Variants in FBN1 observed in about 807,000 individuals in gnomAD.
FBN1 encodes fibrillin 1, also known as fibrillin-1.
Under a neutral mutation model 365.1 loss-of-function variants are expected in FBN1, and 29 were observed. That is an observed-to-expected ratio of 0.08 (90% CI 0.06 to 0.11). The LOEUF is 0.11. FBN1 is among the 10% of genes least tolerant of loss of function. The pLI is 1.00. For synonymous variants in FBN1, 1,210 were observed against 1,270.5 expected (o/e 0.95, Z 1.01); for missense variants, 2,476 against 3,703.2 (o/e 0.67, Z 8.60).
intron 2 of FBN1, among the ~76,000 whole-genome samples, chr15:48,636,748 T>C (rs923730609): frequency 2.0e-5 from 3 of 152,190 alleles, no homozygotes; most frequent in Admixed American, 1.3e-4. Flanking sequence ...CAGATGCATA[T>C]GTGAAGAAGT....
At chr15:48,642,304 G>C (rs1890211579) in intron 2 of FBN1, 1 of 152,162 alleles carries the variant, frequency 6.6e-6, no homozygotes, top group Non-Finnish European at 1.5e-5. Context: ...GCTTGAGCCG[G>C]GAAGGTGGAG....
At chr15:48,568,137 C>T (rs1049933641) in intron 6 of FBN1, among the ~76,000 whole-genome samples, 1 of 129,650 alleles carries the variant, frequency 7.7e-6, no homozygotes, top group Non-Finnish European at 1.7e-5. Flanking sequence ...CCTAAGGAAT[C>T]TACCAAAAAA....
At chr15:48,445,556 C>A in intron 47 of FBN1, 52 bp from the exon 48 acceptor site, 1 of 1,590,274 alleles carries the variant, frequency 6.3e-7, no homozygotes, top group Non-Finnish European at 8.6e-7. Flanking sequence ...ATGTCATAAT[C>A]CCAGCAATAA....
rs189980672 is a variant in FBN1 at position 48,616,972 on chromosome 15, G to C, written c.165-3880C>G. On this transcript the variant is annotated intron_variant, in intron 2 of 65. Coordinates refer to ENST00000316623, the MANE Select transcript of FBN1 (RefSeq NM_000138.5). ...GGCCAAGGTCACATAGCTTAGACGT[G>C]TCTAATGGAGATTTGAACTCAAGAA... Among the ~76,000 whole-genome samples the C allele has an allele frequency of 1.8e-3, 281 of 152,144 alleles. 1 individual carries two copies. Among genetic ancestry groups the C allele is most frequent in the African/African-American group, 6.6e-3 (272 of 41,494 alleles).
intron 25 of FBN1, among the ~76,000 whole-genome samples, chr15:48,488,766 T>C (rs1474244477): frequency 6.6e-6 from 1 of 152,204 alleles, no homozygotes; most frequent in African/African-American, 2.4e-5. Context: ...TGACACATAG[T>C]GAATATTTAA....
In FBN1 at chr15:48,610,446, A is replaced by C. The variant is rs528242418; in HGVS notation, c.346+282T>G. Among the ~76,000 whole-genome samples, 6 of 152,332 alleles carry C rather than the reference A, an allele frequency of 3.9e-5. No homozygotes were observed. The South Asian group carries it at 1.2e-3, about 32-fold the overall frequency. On this transcript the variant is annotated intron_variant, in intron 4 of 65. Transcript: ENST00000316623. ...GCACCTTTTATGGTGTTTACACTGGAGATACAAAGATGAATAAGGCGATAC... is the reference window on the plus strand; with the variant it reads ...GCACCTTTTATGGTGTTTACACTGGCGATACAAAGATGAATAAGGCGATAC...
rs184934484 is a variant in FBN1 at position 48,595,841 on chromosome 15, C to T, written c.538+442G>A. ...AGTGTTGAATGCTGAGCTTGTACAC[C>T]TCTACAGCCCCCAACAGGTCCAACA... On this transcript the variant is annotated intron_variant, in intron 6 of 65. Transcript: ENST00000316623. Among the ~76,000 whole-genome samples the T allele has an allele frequency of 3.3e-4, 51 of 152,286 alleles. 1 individual carries two copies. In the East Asian group the frequency reaches 6.2e-3, roughly 18 times the overall value.
intron 6 of FBN1, among the ~76,000 whole-genome samples, chr15:48,566,124 C>T (rs1374107971): frequency 6.6e-6 from 1 of 152,182 alleles, no homozygotes; most frequent in African/African-American, 2.4e-5. Context: ...TTGCTGTAAT[C>T]ATCTGTAGTA....
intron 32 of FBN1, among the ~76,000 whole-genome samples, chr15:48,479,710 C>T (rs1360939477): frequency 2.0e-5 from 3 of 152,212 alleles, no homozygotes; most frequent in African/African-American, 7.2e-5. Context: ...GGTGTCACTT[C>T]ATGCAACTGT....
Position 48,644,867 on chromosome 15 carries a change from C to A in FBN1, c.-98G>T, listed in dbSNP as rs886051254. 8 of 1,180,138 alleles carry A rather than the reference C, an allele frequency of 6.8e-6. No individual in the cohort carries two copies. The Admixed American group carries it at 2.6e-4, about 39-fold the overall frequency. The allele number at this position is 1,180,138 out of a possible 1,614,324, so 73.1% of individuals were successfully genotyped here. A position where few individuals can be genotyped will look rare whatever the true frequency, so the allele number is the denominator to read the frequency against. ...CTGAAGCGCACCGCGCCGCCGGGGT[C>A]CCGCTATCCCGCCGCCCGTCCCCCG... On this transcript the variant is annotated 5_prime_UTR_variant, in exon 2 of 66. Coordinates refer to ENST00000316623, the MANE Select transcript of FBN1 (RefSeq NM_000138.5).
chr15:48,472,683 C>A lies in FBN1; in HGVS notation c.4211-7G>T. 6.2e-7 allele frequency: 1 copy of A among 1,614,100 alleles called. No individual in the cohort carries two copies. Among genetic ancestry groups the A allele is most frequent in the African/African-American group, 1.3e-5 (1 of 75,024 alleles). On this transcript the variant is annotated splice_polypyrimidine_tract_variant and splice_region_variant and intron_variant, in intron 34 of 65. Coordinates refer to ENST00000316623, the MANE Select transcript of FBN1 (RefSeq NM_000138.5). ...TCAGAGCACTCATCAAGGTCTACAGCCAGAAAGAAACACACGTTACTCTTC... is the reference window on the plus strand; with the variant it reads ...TCAGAGCACTCATCAAGGTCTACAGACAGAAAGAAACACACGTTACTCTTC...
rs142163413 is a variant in FBN1 at position 48,458,240 on chromosome 15, G to C, written c.5297-1478C>G. The stretch of plus-strand genomic sequence containing the variant: ...ACGGACTGAAGTGGAGCCTACAAGA[G>C]CTGCTGCAATTTTAGAAGAACCACA... On this transcript the variant is annotated intron_variant, in intron 43 of 65. Transcript: ENST00000316623. Among the ~76,000 whole-genome samples the C allele has an allele frequency of 4.1e-3, 625 of 152,302 alleles. 14 individuals are homozygous for C. Among genetic ancestry groups the C allele is most frequent in the Admixed American group, 0.033 (502 of 15,294 alleles).
chr15:48,441,719 A>T lies in FBN1; in HGVS notation c.6163+2T>A. 1 of 1,613,586 alleles carries T rather than the reference A, an allele frequency of 6.2e-7. No homozygotes were observed. The highest frequency in any genetic ancestry group is 8.5e-7 in the Non-Finnish European group (1 of 1,179,584). ...AAGCCCAAAGCCTTCAAAGACACTTACCTTGGCACCTTCTTCCACTGGAGG... is the reference window on the plus strand; with the variant it reads ...AAGCCCAAAGCCTTCAAAGACACTTTCCTTGGCACCTTCTTCCACTGGAGG... On this transcript the variant is annotated splice_donor_variant, in intron 50 of 65. Transcript: ENST00000316623. LOFTEE classifies it high-confidence loss of function.
Position 48,604,936 on chromosome 15 carries a change from T to C in FBN1, c.347-4702A>G, listed in dbSNP as rs563065345. Among the ~76,000 whole-genome samples the C allele has an allele frequency of 4.7e-4, 72 of 152,186 alleles. 1 individual carries two copies. Among genetic ancestry groups the C allele is most frequent in the South Asian group, 1.2e-3 (6 of 4,824 alleles). ...TTGGGAGTACAAATGCCCCAAACTCTTGCTCCCAGCTGATTAAAGCCCCTT... is the reference window on the plus strand; with the variant it reads ...TTGGGAGTACAAATGCCCCAAACTCCTGCTCCCAGCTGATTAAAGCCCCTT... On this transcript the variant is annotated intron_variant, in intron 4 of 65. Transcript: ENST00000316623.
At chr15:48,607,000 T>G (rs2044617844) in intron 4 of FBN1, among the ~76,000 whole-genome samples, 1 of 152,202 alleles carries the variant, frequency 6.6e-6, no homozygotes, top group Non-Finnish European at 1.5e-5. Flanking sequence ...CACCATGGGA[T>G]GGCCCTCTAT....
Position 48,634,008 on chromosome 15 carries a change from ATTTTTCTAAAGATG to A in FBN1, c.164+10584_164+10597del, listed in dbSNP as rs1384333559. Among the ~76,000 whole-genome samples, 3 of 152,290 alleles carry A rather than the reference ATTTTTCTAAAGATG, an allele frequency of 2.0e-5. No individual in the cohort carries two copies. In the East Asian group the frequency reaches 5.8e-4, roughly 29 times the overall value. ...CTACTATAACTAATTTATAATATGAATTTTTCTAAAGATGGATGGTCTGGCTATGGAAGAAGATA... is the reference window on the plus strand; with the variant it reads ...CTACTATAACTAATTTATAATATGAAGATGGTCTGGCTATGGAAGAAGATA... On this transcript the variant is annotated intron_variant, in intron 2 of 65. Coordinates refer to ENST00000316623, the MANE Select transcript of FBN1 (RefSeq NM_000138.5).
chr15:48,429,121 G>C (rs1306543302), intron 56 of FBN1, among the ~76,000 whole-genome samples: 1 of 152,128 alleles, frequency 6.6e-6, no homozygotes, highest in African/African-American at 2.4e-5. Flanking sequence ...TTTTCACTTA[G>C]TAAAATTTAA....
chr15:48,456,839 C>CGTGTGT (rs766292110), intron 43 of FBN1, 77 bp from the exon 44 acceptor site: 8 of 999,512 alleles, frequency 8.0e-6, no homozygotes, highest in Non-Finnish European at 9.7e-6. Flanking sequence ...ATGGAAAGTG[C>CGTGTGT]GTGCGTGTGT....
At chr15:48,487,834 T>C (rs1324750420) in intron 27 of FBN1, among the ~76,000 whole-genome samples, 2 of 152,222 alleles carry the variant, frequency 1.3e-5, no homozygotes, top group African/African-American at 4.8e-5. Flanking sequence ...GGACCTCTAC[T>C]ACAGCTTCTG....
Sources: gnomAD v4.1 joint callset for allele counts (sites outside exome capture counted in the v4.1 genomes callset) on GRCh38, gnomAD v4.1.1 for gene constraint, MANE v1.5 for transcripts, NCBI Gene and HGNC (gene_info 2026-07-23, HGNC 2026-07-21) for gene names.